Variants in FARP1 observed in about 807,000 individuals in gnomAD.
FARP1 encodes FERM, ARHGEF and pleckstrin domain-containing protein 1.
Under a neutral mutation model 128.8 loss-of-function variants are expected in FARP1, and 52 were observed. The ratio of observed to expected loss-of-function variants is 0.40; its 90% CI spans 0.32 to 0.51. FARP1 has a LOEUF of 0.51. Ranked by LOEUF, FARP1 falls within the 20% of genes least tolerant of loss-of-function variation. The pLI is 0.45. For missense variants in FARP1, 1,333 were observed against 1,367.9 expected (o/e 0.97, Z 0.40); for synonymous variants, 580 against 551.8 (o/e 1.05, Z -0.72).
At chr13:98,351,896 G>T (rs563646753) in intron 3 of FARP1, among the ~76,000 whole-genome samples, 1 of 152,134 alleles carries the variant, frequency 6.6e-6, no homozygotes, top group East Asian at 1.9e-4. Context: ...GTCGCCTCCC[G>T]CCAGGACCCA....
intron 1 of FARP1, among the ~76,000 whole-genome samples, chr13:98,195,437 G>C (rs1879509237): frequency 6.6e-6 from 1 of 152,202 alleles, no homozygotes; most frequent in African/African-American, 2.4e-5. Context: ...GTGTGTCTCA[G>C]TATTACGGGA....
In FARP1 at chr13:98,239,091, A is replaced by G. The variant is rs183373648; in HGVS notation, c.171+25678A>G. ...ATTGGACTTCCTTATGGGTTAATGTATCTACAGACTACTTTCAGCATATTT... is the reference window on the plus strand; with the variant it reads ...ATTGGACTTCCTTATGGGTTAATGTGTCTACAGACTACTTTCAGCATATTT... On this transcript the variant is annotated intron_variant, in intron 2 of 26. Coordinates refer to ENST00000319562, the MANE Select transcript of FARP1 (RefSeq NM_005766.4). Among the ~76,000 whole-genome samples the G allele has an allele frequency of 2.2e-3, 334 of 152,352 alleles. 5 individuals carry two copies. The highest frequency in any genetic ancestry group is 0.01 in the Middle Eastern group (3 of 294).
chr13:98,287,085 T>A (rs1411183929), intron 2 of FARP1, among the ~76,000 whole-genome samples: 1 of 152,218 alleles, frequency 6.6e-6, no homozygotes, highest in South Asian at 2.1e-4. Flanking sequence ...CTATAGTCAC[T>A]GTGCTTTGCA....
chr13:98,412,099 G>C, intron 16 of FARP1, 65 bp downstream of exon 16: 1 of 1,517,726 alleles, frequency 6.6e-7, no homozygotes, highest in Non-Finnish European at 9.1e-7. Flanking sequence ...TTTTTATGTC[G>C]TCCCTGGGTA....
At chr13:98,446,074 C>T in intron 24 of FARP1, 24 bp from the exon 25 acceptor site, 1 of 1,548,794 alleles carries the variant, frequency 6.5e-7, no homozygotes, top group African/African-American at 1.4e-5. Flanking sequence ...CGCTGTGCTT[C>T]TCACAGGCCT....
At chr13:98,420,921 G>A (rs1164349135) in intron 16 of FARP1, among the ~76,000 whole-genome samples, 1 of 152,264 alleles carries the variant, frequency 6.6e-6, no homozygotes, top group Admixed American at 6.5e-5. Flanking sequence ...ATGGGCAGCA[G>A]GAATTTGGAT....
intron 1 of FARP1, among the ~76,000 whole-genome samples, 155 bp downstream of exon 1, chr13:98,143,647 C>T (rs1419733608): frequency 6.6e-6 from 1 of 150,996 alleles, no homozygotes; most frequent in Non-Finnish European, 1.5e-5. Flanking sequence ...TCCTGCCCTG[C>T]GCAGTCGGGC....
chr13:98,323,035 C>T (rs924560178), intron 2 of FARP1, among the ~76,000 whole-genome samples: 4 of 152,298 alleles, frequency 2.6e-5, no homozygotes, highest in Middle Eastern at 3.4e-3. Context: ...TGGCACTACA[C>T]AATTGCAGGA....
chr13:98,311,159 T>C (rs773795710), intron 2 of FARP1, among the ~76,000 whole-genome samples: 18 of 152,252 alleles, frequency 1.2e-4, no homozygotes, highest in Non-Finnish European at 2.1e-4. Flanking sequence ...ACTGTGGCCC[T>C]GGTGGCCTAA....
rs1292597182 is a variant in FARP1, at chr13:98,215,066, C to T, written c.171+1653C>T. Among the ~76,000 whole-genome samples, 4 of 152,326 alleles carry T rather than the reference C, an allele frequency of 2.6e-5. No individual in the cohort carries two copies. The East Asian group carries it at 7.7e-4, about 29-fold the overall frequency. On this transcript the variant is annotated intron_variant, in intron 2 of 26. Transcript: ENST00000319562. Reference sequence around the variant, plus strand: ...CAAATGCTGCTCTTGTGTGCACTCACTCCAGGGATCGTTGGACTGTGCTCA... The same window carrying T: ...CAAATGCTGCTCTTGTGTGCACTCATTCCAGGGATCGTTGGACTGTGCTCA...
At chr13:98,444,833 A>G (rs3752969) in intron 24 of FARP1, among the ~76,000 whole-genome samples, 102,351 of 152,114 alleles carry the variant, frequency 0.67, 36,539 homozygotes, top group Non-Finnish European at 0.81. Context: ...GGAGTGTGCC[A>G]CCCTCCTTGC....
intron 1 of FARP1, among the ~76,000 whole-genome samples, chr13:98,185,791 G>A (rs1245516887): frequency 9.2e-5 from 14 of 151,678 alleles, no homozygotes; most frequent in African/African-American, 3.1e-4. Context: ...TCCGCCTCCT[G>A]GGTTCAAGCA....
Position 98,435,650 on chromosome 13 carries a change from C to T in FARP1, c.2218C>T (p.Leu740=), listed in dbSNP as rs759987583. 6.2e-7 allele frequency: 1 copy of T among 1,614,102 alleles called. No individual in the cohort carries two copies. Among genetic ancestry groups the T allele is most frequent in the South Asian group, 1.1e-5 (1 of 91,086 alleles). Residue 740 remains leucine (L), a synonymous_variant, in exon 19 of 27, where the codon CTG becomes TTG. Transcript: ENST00000319562. ...GATCAAGATGGAGAATTTCCAGAAGCTGCACGAACTCAAGAAAGATTTGAT... is the reference window on the plus strand; with the variant it reads ...GATCAAGATGGAGAATTTCCAGAAGTTGCACGAACTCAAGAAAGATTTGAT... ...TMIKMENFQK[L]HELKKDLIGI...
intron 2 of FARP1, among the ~76,000 whole-genome samples, chr13:98,335,099 A>G (rs577957590): frequency 3.3e-5 from 5 of 152,340 alleles, no homozygotes; most frequent in African/African-American, 1.2e-4. Context: ...ATCAGGGAGA[A>G]TAGCCATTTG....
intron 2 of FARP1, among the ~76,000 whole-genome samples, chr13:98,286,261 C>T (rs1770357237): frequency 6.6e-6 from 1 of 152,158 alleles, no homozygotes; most frequent in Admixed American, 6.5e-5. Flanking sequence ...GAGCACAAGC[C>T]TCATTATTTC....
intron 1 of FARP1, among the ~76,000 whole-genome samples, chr13:98,193,778 C>T (rs1165564950): frequency 6.6e-6 from 1 of 152,190 alleles, no homozygotes; most frequent in Non-Finnish European, 1.5e-5. Context: ...CCTTATCTCC[C>T]AGCCTAGACA....
chr13:98,345,974 G>A (rs1289017924), intron 3 of FARP1, among the ~76,000 whole-genome samples: 4 of 152,116 alleles, frequency 2.6e-5, no homozygotes, highest in Non-Finnish European at 4.4e-5. Context: ...ATTTATTCCT[G>A]CAACGGTGCA....
At chr13:98,150,163 C>T (rs530774415) in intron 1 of FARP1, among the ~76,000 whole-genome samples, 9 of 152,180 alleles carry the variant, frequency 5.9e-5, no homozygotes, top group Admixed American at 4.6e-4. Flanking sequence ...CTCAGCCTCC[C>T]GAGTAGCTGA....
At position 98,440,070 on chromosome 13, in the gene FARP1, G is replaced by A. The variant is rs1309420515; in HGVS notation, c.2516+27G>A. On this transcript the variant is annotated intron_variant, in intron 22 of 26. Transcript: ENST00000319562. The stretch of plus-strand genomic sequence containing the variant: ...TAACTCGGGAGCCCGCCCCTTGCCT[G>A]TTTCCCCTTTGATGTGCTGTGGCCT... The A allele has an allele frequency of 2.5e-6, 4 of 1,609,628 alleles. No individual in the cohort carries two copies. The Admixed American group carries it at 6.7e-5, about 27-fold the overall frequency.
Sources: allele counts gnomAD v4.1 joint callset (sites outside exome capture counted in the v4.1 genomes callset), GRCh38; gene constraint gnomAD v4.1.1; transcripts MANE v1.5; gene names NCBI Gene and HGNC (gene_info 2026-07-23, HGNC 2026-07-21).